SVIL: variants seen among roughly 807,000 people sequenced by gnomAD.
The protein encoded by SVIL is archvillin.
SVIL carries 101 observed loss-of-function variants against 240.4 expected under a neutral mutation model. That is an observed-to-expected ratio of 0.42 (90% CI 0.36 to 0.50). The LOEUF (loss-of-function observed/expected upper bound fraction) is 0.50. Ranked by LOEUF, SVIL falls within the 20% of genes least tolerant of loss-of-function variation. The pLI, the probability that SVIL is intolerant of heterozygous loss-of-function variation, is 0.01. For synonymous variants in SVIL, 999 were observed against 1,100.0 expected, an observed-to-expected ratio of 0.91 and a Z score of 1.82; for missense variants, 2,512 against 2,818.7, an observed-to-expected ratio of 0.89 and a Z score of 2.46.
rs541818950 is a variant in SVIL at position 29,583,819 on chromosome 10, C to T, written c.-200-14507G>A. ...GTCATGACACAAAATAAATCAAAGG[C>T]ACATTCCACACTGTCTGTTGAAATG... On this transcript the variant is annotated intron_variant, in intron 1 of 37. Coordinates refer to ENST00000355867, the MANE Select transcript of SVIL (RefSeq NM_021738.3). Among the ~76,000 whole-genome samples the T allele has an allele frequency of 3.9e-5, 6 of 152,322 alleles. No individual in the cohort carries two copies. The South Asian group carries it at 1.0e-3, about 26-fold the overall frequency.
Position 29,523,607 on chromosome 10 carries a change from G to T in SVIL, c.3007C>A (p.Arg1003=), listed in dbSNP as rs199842213. 2 of 1,614,026 alleles carry T rather than the reference G, an allele frequency of 1.2e-6. No homozygotes were observed. Among genetic ancestry groups the T allele is most frequent in the East Asian group, 4.5e-5 (2 of 44,894 alleles). The change falls in exon 15 of 38, where the codon CGG becomes AGG. Residue 1003 remains arginine (R), a synonymous_variant. Coordinates refer to ENST00000355867, the MANE Select transcript of SVIL (RefSeq NM_021738.3). ...YAVPRRGSLE[R]ANPPITHLGD... ...AGGTGGGTGATGGGAGGGTTCGCCCGTTCCAGGCTTCCTCTTCTGGGAACA... is the reference window on the plus strand; with the variant it reads ...AGGTGGGTGATGGGAGGGTTCGCCCTTTCCAGGCTTCCTCTTCTGGGAACA...
At chr10:29,537,320 T>A (rs918940204) in intron 6 of SVIL, among the ~76,000 whole-genome samples, 3 of 152,166 alleles carry the variant, frequency 2.0e-5, no homozygotes, top group Non-Finnish European at 4.4e-5. Context: ...TAAATCAACA[T>A]AGCCATTAAA....
intron 17 of SVIL, among the ~76,000 whole-genome samples, chr10:29,501,446 G>T (rs1948886425): frequency 6.6e-6 from 1 of 150,694 alleles, no homozygotes; most frequent in Non-Finnish European, 1.5e-5. Flanking sequence ...AGGCAAGAAA[G>T]TGGGGTGAGG....
rs146774920 is a variant in SVIL at position 29,480,220 on chromosome 10, G to C, written c.5377+317C>G. On this transcript the variant is annotated intron_variant, in intron 29 of 37. Coordinates refer to ENST00000355867, the MANE Select transcript of SVIL (RefSeq NM_021738.3). ...AGCCACATGGGAAATATCATTTAGAGGCCAATCATCTCTTTCCCAGAAAAG... is the reference window on the plus strand; with the variant it reads ...AGCCACATGGGAAATATCATTTAGACGCCAATCATCTCTTTCCCAGAAAAG... Among the ~76,000 whole-genome samples, 468 of 152,310 alleles carry C rather than the reference G, an allele frequency of 3.1e-3. 2 individuals are homozygous for C. Among genetic ancestry groups the C allele is most frequent in the Middle Eastern group, 0.02 (6 of 294 alleles).
rs771282784 is a variant in SVIL at position 29,522,391 on chromosome 10, G to A, written c.3389+19C>T. The A allele has an allele frequency of 1.9e-6, 3 of 1,611,090 alleles. No homozygotes were observed. The highest frequency in any genetic ancestry group is 1.1e-5 in the South Asian group (1 of 90,928). ...CTCCTCCCCGAGAGAATTACTTTTC[G>A]CTCACCGAATCTCATTACCTTTCTT... is the stretch of plus-strand genomic sequence containing the variant. On this transcript the variant is annotated intron_variant, in intron 16 of 37. Coordinates refer to ENST00000355867, the MANE Select transcript of SVIL (RefSeq NM_021738.3).
At chr10:29,563,693 C>T (rs1262934624) in intron 2 of SVIL, among the ~76,000 whole-genome samples, 1 of 152,132 alleles carries the variant, frequency 6.6e-6, no homozygotes, top group East Asian at 1.9e-4. Flanking sequence ...GTGATCTACA[C>T]TCTGTCTTCC....
chr10:29,692,455 C>A lies in SVIL; in HGVS notation c.-399-5804G>T, dbSNP rs182919063. On this transcript the variant is annotated intron_variant, in intron 1 of 35. Transcript: ENST00000375400. ...TCTGGAAAATAAGCACAGGAACAAA[C>A]TCATAAGAGCCTGCAATGAGATCAT... is the stretch of plus-strand genomic sequence containing the variant. Among the ~76,000 whole-genome samples, 31 of 152,130 alleles carry A rather than the reference C, an allele frequency of 2.0e-4. No individual in the cohort carries two copies. In the East Asian group the frequency reaches 5.4e-3, roughly 27 times the overall value.
chr10:29,554,443 C>T (rs1166350078), intron 5 of SVIL, among the ~76,000 whole-genome samples: 3 of 152,014 alleles, frequency 2.0e-5, no homozygotes, highest in African/African-American at 7.3e-5. Context: ...GCCAGAAGTT[C>T]GAGACCAGCC....
At chr10:29,492,381 C>T (rs979868778) in intron 21 of SVIL, among the ~76,000 whole-genome samples, 1 of 152,152 alleles carries the variant, frequency 6.6e-6, no homozygotes, top group East Asian at 1.9e-4. Flanking sequence ...GCCGCCAGGC[C>T]GCTGCCTGAC....
At chr10:29,596,243 G>A (rs1956584155) in intron 1 of SVIL, among the ~76,000 whole-genome samples, 1 of 152,204 alleles carries the variant, frequency 6.6e-6, no homozygotes, top group African/African-American at 2.4e-5. Flanking sequence ...GGCCGAGGTG[G>A]GAGGATTGCT....
At chr10:29,571,719 G>A (rs1955427535) in intron 1 of SVIL, among the ~76,000 whole-genome samples, 1 of 152,170 alleles carries the variant, frequency 6.6e-6, no homozygotes, top group African/African-American at 2.4e-5. Flanking sequence ...CTCAAGCAAT[G>A]CTCATGCAAT....
intron 3 of SVIL, among the ~76,000 whole-genome samples, chr10:29,644,706 C>T (rs1958599680): frequency 6.6e-6 from 1 of 152,144 alleles, no homozygotes; most frequent in African/African-American, 2.4e-5. Context: ...AAGAAAGAAA[C>T]CAGAAACACT....
chr10:29,710,129 CT>C lies in SVIL; in HGVS notation c.-399-23479del. 2.0e-5 allele frequency among the ~76,000 whole-genome samples: 3 copies of C among 151,814 alleles called. No individual in the cohort carries two copies. The South Asian group carries it at 6.2e-4, about 32-fold the overall frequency. Reference sequence around the variant, plus strand: ...TAGGCTGGAGTGTGATCATGGCACACTGCAGCCTCAAACTCCTGAGCTCAAG... The same window carrying C: ...TAGGCTGGAGTGTGATCATGGCACACGCAGCCTCAAACTCCTGAGCTCAAG... On this transcript the variant is annotated intron_variant, in intron 1 of 35. Transcript: ENST00000375400.
chr10:29,483,050 T>G (rs1246900333), intron 27 of SVIL: 1 of 152,204 alleles, frequency 6.6e-6, no homozygotes, highest in East Asian at 1.9e-4. Context: ...CTCATGCTCT[T>G]ATGGGACTTT....
At chr10:29,617,683 A>G (rs1303758204) in intron 1 of SVIL, among the ~76,000 whole-genome samples, 4 of 152,206 alleles carry the variant, frequency 2.6e-5, no homozygotes. Context: ...ATTCATTGGA[A>G]GCATCCTTAC....
chr10:29,689,021 T>C (rs1961297672), intron 1 of SVIL, among the ~76,000 whole-genome samples: 1 of 152,138 alleles, frequency 6.6e-6, no homozygotes, highest in Non-Finnish European at 1.5e-5. Context: ...CACATATATA[T>C]ACAGTGCAAA....
intron 3 of SVIL, among the ~76,000 whole-genome samples, chr10:29,648,076 A>G (rs531783601): frequency 6.6e-6 from 1 of 151,792 alleles, no homozygotes; most frequent in Admixed American, 6.5e-5. Context: ...AGTTTTCTCA[A>G]TGCAGCCACA....
At chr10:29,579,751 G>T (rs1955857541) in intron 1 of SVIL, among the ~76,000 whole-genome samples, 1 of 152,218 alleles carries the variant, frequency 6.6e-6, no homozygotes, top group South Asian at 2.1e-4. Context: ...CTCTCCTTTG[G>T]GGGCCATCAT....
At chr10:29,614,807 T>C (rs1414534330) in intron 1 of SVIL, among the ~76,000 whole-genome samples, 1 of 151,992 alleles carries the variant, frequency 6.6e-6, no homozygotes, top group Non-Finnish European at 1.5e-5. Context: ...ACTTAAAGTA[T>C]AAAAAAAATC....
Sources: allele counts gnomAD v4.1 joint callset (sites outside exome capture counted in the v4.1 genomes callset), GRCh38; gene constraint gnomAD v4.1.1; transcripts MANE v1.5; gene names NCBI Gene and HGNC (gene_info 2026-07-23, HGNC 2026-07-21).